The following CEP128 variants were observed in gnomAD, a reference collection of about 807,000 sequenced individuals.
The protein encoded by CEP128 is centrosomal protein 128, also known as centrosomal protein 128kDa.
CEP128 carries 132 observed loss-of-function variants against 156.7 expected under a neutral mutation model. The observed-to-expected ratio is 0.84, with a 90% confidence interval of 0.73 to 0.97. The LOEUF is 0.97. CEP128 is among the 50% of genes least tolerant of loss of function. The pLI is 0.00. For synonymous variants in CEP128, 469 were observed against 448.9 expected (o/e 1.04, Z -0.57); for missense variants, 1,252 against 1,281.9 (o/e 0.98, Z 0.36).
intron 21 of CEP128, among the ~76,000 whole-genome samples, chr14:80,556,328 A>G (rs1450664717): frequency 6.6e-6 from 1 of 152,182 alleles, no homozygotes; most frequent in Non-Finnish European, 1.5e-5. Context: ...GACTAATGCT[A>G]TTTATTCCTG....
chr14:80,559,912 A>G (rs966577891), intron 20 of CEP128, among the ~76,000 whole-genome samples: 2 of 152,228 alleles, frequency 1.3e-5, no homozygotes, highest in African/African-American at 2.4e-5. Context: ...GGGGTCATTG[A>G]TAACGATGCA....
chr14:80,676,153 C>T lies in CEP128; in HGVS notation c.2806+66922G>A, dbSNP rs139839010. Among the ~76,000 whole-genome samples the T allele has an allele frequency of 3.0e-4, 46 of 152,208 alleles. 1 individual carries two copies. Among genetic ancestry groups the T allele is most frequent in the African/African-American group, 1.1e-3 (46 of 41,572 alleles). ...ATAGGCTCATTTTCAAAGAGCTGAA[C>T]ATCTCTATGATACACAGTCCTTCTA... is the stretch of plus-strand genomic sequence containing the variant. On this transcript the variant is annotated intron_variant, in intron 19 of 24. Coordinates refer to ENST00000555265, the MANE Select transcript of CEP128 (RefSeq NM_152446.5).
intron 21 of CEP128, among the ~76,000 whole-genome samples, chr14:80,550,773 A>G (rs1890178178): frequency 6.6e-6 from 1 of 150,484 alleles, no homozygotes; most frequent in South Asian, 2.1e-4. Context: ...AATATTAGGT[A>G]TATTATAAAT....
At chr14:80,580,825 T>C (rs569403506) in intron 19 of CEP128, among the ~76,000 whole-genome samples, 2 of 152,186 alleles carry the variant, frequency 1.3e-5, no homozygotes, top group South Asian at 2.1e-4. Flanking sequence ...AAACAAACCA[T>C]TTGCCCTTAA....
chr14:80,498,641 G>C (rs1475151899), intron 24 of CEP128, among the ~76,000 whole-genome samples: 1 of 152,142 alleles, frequency 6.6e-6, no homozygotes, highest in Non-Finnish European at 1.5e-5. Flanking sequence ...ACCTCCTCAG[G>C]GAGGCAGATC....
chr14:80,504,830 A>G (rs2140192166), intron 24 of CEP128, 82 bp downstream of exon 24: 2 of 603,700 alleles, frequency 3.3e-6, no homozygotes, highest in Admixed American at 5.7e-5. Context: ...TTACTATCAT[A>G]TACTGGCCTT....
At chr14:80,839,166 T>G (rs1886232192) in intron 10 of CEP128, among the ~76,000 whole-genome samples, 1 of 152,232 alleles carries the variant, frequency 6.6e-6, no homozygotes, top group Admixed American at 6.5e-5. Context: ...TGATTTCAAG[T>G]TGAAATATGT....
chr14:80,734,846 C>CAAAAAA (rs397798792), intron 19 of CEP128, among the ~76,000 whole-genome samples: 3 of 62,052 alleles, frequency 4.8e-5, no homozygotes, highest in Non-Finnish European at 6.3e-5. Context: ...GACCCCATCT[C>CAAAAAA]AAAAAAAAAA....
chr14:80,605,550 CAG>C (rs2140553601), intron 19 of CEP128, among the ~76,000 whole-genome samples: 1 of 152,124 alleles, frequency 6.6e-6, no homozygotes, highest in South Asian at 2.1e-4. Flanking sequence ...TCTTCTTATT[CAG>C]ACTCTTTTTA....
intron 19 of CEP128, among the ~76,000 whole-genome samples, chr14:80,700,967 C>A (rs1232033640): frequency 1.3e-5 from 2 of 152,028 alleles, no homozygotes; most frequent in African/African-American, 4.8e-5. Flanking sequence ...CAAAGGAGGG[C>A]AGGGAAGAGG....
At chr14:80,637,047 T>C (rs1210376795) in intron 19 of CEP128, among the ~76,000 whole-genome samples, 1 of 151,152 alleles carries the variant, frequency 6.6e-6, no homozygotes, top group African/African-American at 2.4e-5. Flanking sequence ...GATCGGGCCA[T>C]TGTACTCCAG....
rs755970622 is a variant in CEP128 at position 80,955,693 on chromosome 14, G to A, written c.-172+2485C>T. The A allele has an allele frequency of 2.2e-5, 36 of 1,613,960 alleles. No individual in the cohort carries two copies. Among genetic ancestry groups the A allele is most frequent in the Non-Finnish European group, 3.1e-5 (36 of 1,179,994 alleles). ...AGTCCCGTGGAAAATGAGGCCGGCG[G>A]ACTTGCTGCAGCTGGTGCTGCTGCT... On this transcript the variant is annotated intron_variant, in intron 2 of 7. Coordinates refer to the CEP128 transcript ENST00000555529.
intron 23 of CEP128, among the ~76,000 whole-genome samples, chr14:80,513,094 G>T (rs958387864): frequency 6.6e-6 from 1 of 152,004 alleles, no homozygotes; most frequent in Non-Finnish European, 1.5e-5. Flanking sequence ...ATATAGTATT[G>T]CTTGTTAATA....
chr14:80,691,955 C>T (rs1053024570), intron 19 of CEP128, among the ~76,000 whole-genome samples: 21 of 152,088 alleles, frequency 1.4e-4, no homozygotes, highest in African/African-American at 9.7e-5. Context: ...AGAAAATATG[C>T]AACACAAATC....
At chr14:80,785,638 C>A (rs1318448940) in intron 14 of CEP128, 93 bp from the exon 15 acceptor site, 3 of 922,956 alleles carry the variant, frequency 3.3e-6, no homozygotes, top group South Asian at 2.2e-5. Flanking sequence ...AATGTTTAAC[C>A]CACAAGGAAA....
At chr14:80,754,393 T>C (rs918952252) in intron 18 of CEP128, among the ~76,000 whole-genome samples, 3 of 151,956 alleles carry the variant, frequency 2.0e-5, no homozygotes, top group African/African-American at 7.3e-5. Context: ...TTACAGCTCC[T>C]GCTTGTAAGA....
chr14:80,587,249 G>C (rs927909424), intron 19 of CEP128, among the ~76,000 whole-genome samples: 6 of 152,108 alleles, frequency 3.9e-5, no homozygotes, highest in South Asian at 2.1e-4. Flanking sequence ...ATACCGCAAT[G>C]AGTTAAGAGT....
At chr14:80,938,074 T>A (rs1295634039) in intron 2 of CEP128, among the ~76,000 whole-genome samples, 4 of 151,882 alleles carry the variant, frequency 2.6e-5, no homozygotes, top group Non-Finnish European at 4.4e-5. Context: ...TTTTTTGATT[T>A]TTTTGTAGAG....
downstream of CEP128, among the ~76,000 whole-genome samples, chr14:80,489,427 C>G (rs1209958444): frequency 6.6e-6 from 1 of 151,922 alleles, no homozygotes; most frequent in Non-Finnish European, 1.5e-5. Flanking sequence ...TGGGTTAACT[C>G]TAATGAGCAC....
Sources: gnomAD v4.1 joint callset for allele counts (sites outside exome capture counted in the v4.1 genomes callset) on GRCh38, gnomAD v4.1.1 for gene constraint, MANE v1.5 for transcripts, NCBI Gene and HGNC (gene_info 2026-07-23, HGNC 2026-07-21) for gene names.